Variants in IL16 observed in about 807,000 individuals in gnomAD.
The protein encoded by IL16 is interleukin 16.
IL16 carries 67 observed loss-of-function variants against 110.1 expected under a neutral mutation model. The ratio of observed to expected loss-of-function variants is 0.61; its 90% CI spans 0.50 to 0.75. The LOEUF is 0.75. Among genes scored for constraint, IL16 ranks in the 30% least tolerant of loss-of-function variants. The pLI is 0.00. For synonymous variants in IL16, 689 were observed against 662.9 expected (o/e 1.04, Z -0.61); for missense variants, 1,545 against 1,655.0 (o/e 0.93, Z 1.15).
At position 81,300,113 on chromosome 15, in the gene IL16, C is replaced by T. The variant is rs368005140; in HGVS notation, c.2787C>T (p.Pro929=). 1.0e-5 allele frequency: 16 copies of T among 1,591,602 alleles called. No individual in the cohort carries two copies. The highest frequency in any genetic ancestry group is 1.3e-5 in the Non-Finnish European group (15 of 1,169,136). The change falls in exon 14 of 19, where the codon CCC becomes CCT. Residue 929 remains proline (P), a synonymous_variant. Transcript: ENST00000683961. Reference sequence around the variant, plus strand: ...AGTCCCCTCCCCCAGGGCGGCAGCCCAATCAGAAAACTCTCCCCCCTGGCC... The same window carrying T: ...AGTCCCCTCCCCCAGGGCGGCAGCCTAATCAGAAAACTCTCCCCCCTGGCC... ...VSESPPPGRQ[P]NQKTLPPGPD... is the part of the protein sequence containing the mutation.
chr15:81,187,224 T>C (rs1895432316), intron 1 of IL16, among the ~76,000 whole-genome samples: 1 of 152,218 alleles, frequency 6.6e-6, no homozygotes, highest in South Asian at 2.1e-4. Flanking sequence ...GTGAAATGTA[T>C]GTATCTTAAG....
At chr15:81,254,611 C>T (rs981802091) in intron 2 of IL16, among the ~76,000 whole-genome samples, 1 of 152,170 alleles carries the variant, frequency 6.6e-6, no homozygotes, top group African/African-American at 2.4e-5. Context: ...CCCAGGGCCA[C>T]AGTCTCTGAT....
intron 2 of IL16, among the ~76,000 whole-genome samples, chr15:81,228,794 G>A (rs1441166688): frequency 6.6e-6 from 1 of 152,152 alleles, no homozygotes; most frequent in Non-Finnish European, 1.5e-5. Context: ...CAGGGGTTAG[G>A]TGTGTGGGCT....
rs112787958 is a variant in IL16 at position 81,300,156 on chromosome 15, C to T, written c.2830C>T (p.Leu944=). The T allele has an allele frequency of 6.2e-6, 10 of 1,613,708 alleles. No individual in the cohort carries two copies. The highest frequency in any genetic ancestry group is 5.3e-5 in the African/African-American group (4 of 75,050). Residue 944 remains leucine, a synonymous_variant, in exon 14 of 19, where the codon CTG becomes TTG. Transcript: ENST00000683961. ...LPPGPDPLLR[L]LSTQAEESQG... ...CCCTGGCCCGGACCCGCTCCTAAGG[C>T]TGCTGTCAACACAGGCTGAGGAATC...
In IL16 at chr15:81,303,519, T is replaced by A. The variant is rs1296667515; in HGVS notation, c.3319-30T>A. ...AATTGTTCATCCTCTTGCAGTAAAA[T>A]GTTTTTGAATGTATGTATTTCCTCT... is the stretch of plus-strand genomic sequence containing the variant. On this transcript the variant is annotated intron_variant, in intron 15 of 18. Coordinates refer to ENST00000683961, the MANE Select transcript of IL16 (RefSeq NM_172217.5). The surrounding 1 kb of genome is among the most constrained non-coding windows in gnomAD (Gnocchi z 4.1). 7.2e-7 allele frequency: 1 copy of A among 1,395,690 alleles called. No homozygotes were observed. The highest frequency in any genetic ancestry group is 1.7e-5 in the Admixed American group (1 of 59,678). 86.5% of individuals were successfully genotyped at this position (1,395,690 alleles called of 1,614,324 possible).
At position 81,273,209 on chromosome 15, in the gene IL16, G is replaced by C; in HGVS notation, c.790+5G>C. The C allele has an allele frequency of 1.9e-6, 3 of 1,592,774 alleles. No homozygotes were observed. The highest frequency in any genetic ancestry group is 2.2e-5 in the East Asian group (1 of 44,700). On this transcript the variant is annotated splice_donor_5th_base_variant and intron_variant, in intron 6 of 18. Coordinates refer to ENST00000683961, the MANE Select transcript of IL16 (RefSeq NM_172217.5). ...CCGATGGAAGGCTACAGGAAGGTAGGCTTCCCAGCCCTTTTCAGACCATGG... is the reference window on the plus strand; with the variant it reads ...CCGATGGAAGGCTACAGGAAGGTAGCCTTCCCAGCCCTTTTCAGACCATGG...
At chr15:81,231,318 C>T (rs963261826) in intron 2 of IL16, among the ~76,000 whole-genome samples, 2 of 143,198 alleles carry the variant, frequency 1.4e-5, no homozygotes, top group Non-Finnish European at 3.0e-5. Flanking sequence ...TACCCAAGGT[C>T]GGTCTGTCTC....
chr15:81,205,121 C>G (rs1256899708), intron 1 of IL16, among the ~76,000 whole-genome samples: 1 of 151,990 alleles, frequency 6.6e-6, no homozygotes, highest in African/African-American at 2.4e-5. Context: ...AGTTGGCCAA[C>G]CTGGTGAAAT....
chr15:81,199,030 A>ATATAT (rs1555411598), intron 1 of IL16, among the ~76,000 whole-genome samples: 183 of 104,076 alleles, frequency 1.8e-3, no homozygotes, highest in Non-Finnish European at 2.4e-3. Context: ...AAAAAAAAAA[A>ATATAT]ATATATATAT....
chr15:81,198,695 A>G (rs1895687720), intron 1 of IL16, among the ~76,000 whole-genome samples: 1 of 151,480 alleles, frequency 6.6e-6, no homozygotes, highest in African/African-American at 2.4e-5. Flanking sequence ...CCAGGGGTAT[A>G]GGAGTGAGAG....
chr15:81,266,834 C>T (rs1217692758), intron 4 of IL16, among the ~76,000 whole-genome samples: 1 of 152,210 alleles, frequency 6.6e-6, no homozygotes, highest in Non-Finnish European at 1.5e-5. Flanking sequence ...TTTCATCTCA[C>T]CAACTGACTC....
rs761450881 is a variant in IL16 at position 81,292,792 on chromosome 15, G to A, written c.1657G>A (p.Val553Met). The change falls in exon 12 of 19, where the codon GTG (valine) becomes ATG (methionine). Residue 553 changes from valine to methionine, a missense_variant. Physicochemically the swap from Val to Met is conservative, Grantham distance 21. Around this residue, in one of 3 missense-constraint regions of IL16, gnomAD observed 1,185 missense variants for 1,238.8 expected, o/e 0.96. Coordinates refer to ENST00000683961, the MANE Select transcript of IL16 (RefSeq NM_172217.5). The stretch of plus-strand genomic sequence containing the variant: ...CAGCTTGCCTCTGGCACGGGAGCCA[G>A]TGGTGCTTTCTATAGCATCCTCCAG... ...SPSLPLAREP[V>M]VLSIASSRLP... The A allele has an allele frequency of 2.4e-5, 38 of 1,614,030 alleles. No homozygotes were observed. Among genetic ancestry groups the A allele is most frequent in the Non-Finnish European group, 3.1e-5 (37 of 1,180,036 alleles).
At chr15:81,188,917 G>A (rs554768284) in intron 1 of IL16, among the ~76,000 whole-genome samples, 2 of 152,286 alleles carry the variant, frequency 1.3e-5, no homozygotes, top group East Asian at 3.9e-4. Flanking sequence ...ACACACGGAT[G>A]AGAGAACTCA....
At chr15:81,222,427 A>G (rs1896647964) in intron 1 of IL16, among the ~76,000 whole-genome samples, 1 of 149,618 alleles carries the variant, frequency 6.7e-6, no homozygotes, top group African/African-American at 2.5e-5. Flanking sequence ...GCATAACTGC[A>G]TAGGTCAATG....
At chr15:81,204,011 G>A (rs1314983687) in intron 1 of IL16, among the ~76,000 whole-genome samples, 1 of 151,276 alleles carries the variant, frequency 6.6e-6, no homozygotes, top group Non-Finnish European at 1.5e-5. Context: ...GCAGTGGTTT[G>A]TAGTTCTCCT....
At chr15:81,284,031 A>C (rs1214031605) in intron 9 of IL16, among the ~76,000 whole-genome samples, 1 of 146,924 alleles carries the variant, frequency 6.8e-6, no homozygotes, top group African/African-American at 2.5e-5. Flanking sequence ...AAAGAGAGAG[A>C]GAAGATATCA....
At chr15:81,267,778 C>T (rs192610217) in intron 4 of IL16, among the ~76,000 whole-genome samples, 6 of 152,322 alleles carry the variant, frequency 3.9e-5, no homozygotes, top group East Asian at 3.9e-4. Context: ...AAGGCAGTCA[C>T]GCACGAAGGA....
intron 1 of IL16, among the ~76,000 whole-genome samples, chr15:81,223,906 G>C (rs946419911): frequency 2.0e-5 from 3 of 152,200 alleles, no homozygotes; most frequent in Admixed American, 2.0e-4. Flanking sequence ...ACTATCATTT[G>C]AGATGGAAGG....
At chr15:81,247,822 T>G (rs1471317739) in intron 2 of IL16, among the ~76,000 whole-genome samples, 1 of 152,178 alleles carries the variant, frequency 6.6e-6, no homozygotes, top group Non-Finnish European at 1.5e-5. Flanking sequence ...CTCTCCCCAG[T>G]TAACATTTTT....
Sources: allele counts gnomAD v4.1 joint callset (sites outside exome capture counted in the v4.1 genomes callset), GRCh38; gene constraint gnomAD v4.1.1; regional missense constraint gnomAD v4.1.1; non-coding constraint Gnocchi (gnomAD v3.1); transcripts MANE v1.5; gene names NCBI Gene and HGNC (gene_info 2026-07-23, HGNC 2026-07-21).